Variants in COTL1 observed in about 807,000 individuals in gnomAD.
COTL1 encodes coactosin like F-actin binding protein 1, also known as coactosin-like protein.
Under a neutral mutation model 16.5 loss-of-function variants are expected in COTL1, and 15 were observed. The observed-to-expected ratio is 0.91, with a 90% CI of 0.61 to 1.40. COTL1 has a LOEUF of 1.40. Ranked by LOEUF, COTL1 falls within the 40% of genes most tolerant of loss-of-function variation. The pLI is 0.00. For missense variants in COTL1, 220 were observed against 201.5 expected (o/e 1.09, Z -0.56); for synonymous variants, 112 against 85.3 (o/e 1.31, Z -1.73).
chr16:84,602,997 A>T (rs1905131939), intron 2 of COTL1, among the ~76,000 whole-genome samples: 1 of 152,176 alleles, frequency 6.6e-6, no homozygotes, highest in Non-Finnish European at 1.5e-5. Context: ...AGAGGGACGC[A>T]GCTGGCTTGA....
At chr16:84,607,508 C>T (rs1185303020) in intron 2 of COTL1, among the ~76,000 whole-genome samples, 2 of 152,190 alleles carry the variant, frequency 1.3e-5, no homozygotes, top group African/African-American at 4.8e-5. Flanking sequence ...TCACTCTGCT[C>T]ATTACTCCCT....
chr16:84,617,746 C>T lies in COTL1; in HGVS notation c.77+92G>A, dbSNP rs1597190419. 2.8e-6 allele frequency: 4 copies of T among 1,410,014 alleles called. No homozygotes were observed. In the African/African-American group the frequency reaches 5.7e-5, roughly 20 times the overall value. 87.3% of individuals were successfully genotyped at this position (1,410,014 alleles called of 1,614,324 possible). A position where few individuals can be genotyped will look rare whatever the true frequency, so the allele number is the denominator to read the frequency against. ...AAGGCGAGGAAGACAGCGCGGGAGG[C>T]CCGAATCCGTCCCGCCTGGAGGCCG... is the stretch of plus-strand genomic sequence containing the variant. On this transcript the variant is annotated intron_variant, in intron 1 of 3. Coordinates refer to ENST00000262428, the MANE Select transcript of COTL1 (RefSeq NM_021149.5).
chr16:84,569,973 A>G (rs115714891), intron 3 of COTL1, among the ~76,000 whole-genome samples: 284 of 152,332 alleles, frequency 1.9e-3, no homozygotes, highest in Middle Eastern at 6.8e-3. Flanking sequence ...TAGAAGATTT[A>G]GATTAAGAAA....
intron 3 of COTL1, among the ~76,000 whole-genome samples, chr16:84,579,203 A>G (rs990956599): frequency 2.6e-5 from 4 of 152,254 alleles, no homozygotes; most frequent in African/African-American, 7.2e-5. Context: ...GGCCATTACA[A>G]TAATAGAAAC....
intron 2 of COTL1, among the ~76,000 whole-genome samples, chr16:84,606,662 C>A (rs887250682): frequency 2.0e-5 from 3 of 152,220 alleles, no homozygotes; most frequent in African/African-American, 7.2e-5. Context: ...GACATCCTGC[C>A]ACGTCTAGCT....
chr16:84,587,972 A>G (rs1259221993), intron 3 of COTL1, among the ~76,000 whole-genome samples: 2 of 152,064 alleles, frequency 1.3e-5, no homozygotes, highest in East Asian at 1.9e-4. Context: ...GAGTTTTGCC[A>G]TGTTGGCCAG....
At chr16:84,603,954 C>G (rs77152938) in intron 2 of COTL1, among the ~76,000 whole-genome samples, 3 of 138,056 alleles carry the variant, frequency 2.2e-5, no homozygotes, top group African/African-American at 2.5e-5. Context: ...CACCTCCCCC[C>G]ACTTTCTACC....
intron 2 of COTL1, among the ~76,000 whole-genome samples, chr16:84,598,419 C>A (rs1905048248): frequency 6.6e-6 from 1 of 152,104 alleles, no homozygotes; most frequent in African/African-American, 2.4e-5. Flanking sequence ...AGGTTCTCTG[C>A]CTTCATTTAC....
rs150279093 is a variant in COTL1, at chr16:84,565,778, A to G, written c.*1067T>C. The G allele has an allele frequency of 2.0e-5, 3 of 152,440 alleles. No homozygotes were observed. Among genetic ancestry groups the G allele is most frequent in the African/African-American group, 7.2e-5 (3 of 41,480 alleles). The allele number at this position is 152,440 out of a possible 1,614,324, so 9.4% of individuals were successfully genotyped here. A position where few individuals can be genotyped will look rare whatever the true frequency, so the allele number is the denominator to read the frequency against. On this transcript the variant is annotated 3_prime_UTR_variant, in exon 4 of 4. Coordinates refer to ENST00000262428, the MANE Select transcript of COTL1 (RefSeq NM_021149.5). Reference sequence around the variant, plus strand: ...CCAATCTCACCTTTCTTTAAAAACAAAACAAAACGATCCTTTTGAATGTGT... The same window carrying G: ...CCAATCTCACCTTTCTTTAAAAACAGAACAAAACGATCCTTTTGAATGTGT...
At chr16:84,591,880 A>AAT (rs71151229) in intron 2 of COTL1, among the ~76,000 whole-genome samples, 1 of 95,912 alleles carries the variant, frequency 1.0e-5, no homozygotes, top group Non-Finnish European at 2.1e-5. Context: ...AATAAAATAA[A>AAT]AATATGTGCG....
chr16:84,574,772 CG>C, intron 3 of COTL1, among the ~76,000 whole-genome samples: 1 of 152,004 alleles, frequency 6.6e-6, no homozygotes, highest in Non-Finnish European at 1.5e-5. Context: ...TTAGTAGAGA[CG>C]GGGTTTCACC....
chr16:84,583,835 CCACCTCCACTT>C (rs1400683600), intron 3 of COTL1, among the ~76,000 whole-genome samples: 1 of 152,128 alleles, frequency 6.6e-6, no homozygotes, highest in Non-Finnish European at 1.5e-5. Flanking sequence ...TCCATCCTTC[CCACCTCCACTT>C]CTCCTTGGAG....
intron 3 of COTL1, among the ~76,000 whole-genome samples, chr16:84,583,342 AT>A (rs1484902377): frequency 6.6e-6 from 1 of 152,158 alleles, no homozygotes; most frequent in Non-Finnish European, 1.5e-5. Flanking sequence ...CAATAAAACT[AT>A]TGTTATTCAT....
chr16:84,565,835 T>C lies in COTL1; in HGVS notation c.*1010A>G, dbSNP rs1367058588. 6.6e-6 allele frequency: 1 copy of C among 152,296 alleles called. No individual in the cohort carries two copies. Among genetic ancestry groups the C allele is most frequent in the Non-Finnish European group, 1.5e-5 (1 of 68,070 alleles). The allele number at this position is 152,296 out of a possible 1,614,324, so 9.4% of individuals were successfully genotyped here. A position where few individuals can be genotyped will look rare whatever the true frequency, so the allele number is the denominator to read the frequency against. ...GACGCAGGACTGAAGCCACAGGCTT[T>C]TGGGGTGCTGTGAGCCCAGGGCTTT... On this transcript the variant is annotated 3_prime_UTR_variant, in exon 4 of 4. Coordinates refer to ENST00000262428, the MANE Select transcript of COTL1 (RefSeq NM_021149.5).
intron 2 of COTL1, among the ~76,000 whole-genome samples, chr16:84,605,644 C>T (rs1040767501): frequency 2.0e-5 from 3 of 152,122 alleles, no homozygotes; most frequent in Non-Finnish European, 2.9e-5. Context: ...GCTTTGAAGA[C>T]AGAGGAAGTG....
chr16:84,612,044 C>A (rs1448615654), intron 2 of COTL1, among the ~76,000 whole-genome samples: 1 of 152,132 alleles, frequency 6.6e-6, no homozygotes, highest in African/African-American at 2.4e-5. Flanking sequence ...CATCATCTCT[C>A]CCCCTTCCAT....
At chr16:84,605,906 A>G (rs554985134) in intron 2 of COTL1, among the ~76,000 whole-genome samples, 1 of 152,386 alleles carries the variant, frequency 6.6e-6, no homozygotes, top group East Asian at 1.9e-4. Context: ...TGCCTGGCCT[A>G]ATAAAGGTCC....
chr16:84,571,000 C>T (rs372299788), intron 3 of COTL1, among the ~76,000 whole-genome samples: 2 of 149,984 alleles, frequency 1.3e-5, no homozygotes, highest in East Asian at 3.9e-4. Flanking sequence ...CCAAGAAAGA[C>T]AAAACTTTAA....
At chr16:84,572,877 G>A (rs183266316) in intron 3 of COTL1, among the ~76,000 whole-genome samples, 4 of 150,634 alleles carry the variant, frequency 2.7e-5, no homozygotes, top group South Asian at 2.1e-4. Flanking sequence ...CTCAGCCACC[G>A]AAGTAGCCGG....
Sources: gnomAD v4.1 joint callset for allele counts (sites outside exome capture counted in the v4.1 genomes callset) on GRCh38, gnomAD v4.1.1 for gene constraint, MANE v1.5 for transcripts, NCBI Gene and HGNC (gene_info 2026-07-23, HGNC 2026-07-21) for gene names.